The following SPINK5 variants were observed in gnomAD, a reference collection of about 807,000 sequenced individuals.
SPINK5 encodes the protein serine protease inhibitor Kazal-type 5.
In SPINK5, 125 loss-of-function variants were observed where a neutral mutation model predicts 151.8. The ratio of observed to expected loss-of-function variants is 0.82; its 90% confidence interval spans 0.71 to 0.96. The LOEUF (loss-of-function observed/expected upper bound fraction) is 0.96, where lower values mean the gene tolerates loss of function less well. SPINK5 is among the 40% of genes least tolerant of loss of function. SPINK5 has a pLI of 0.00. For synonymous variants in SPINK5, 374 were observed against 395.3 expected (o/e 0.95, Z 0.64); for missense variants, 1,194 against 1,291.9 (o/e 0.92, Z 1.16).
chr5:148,112,800 C>T, intron 19 of SPINK5, 68 bp from the exon 20 acceptor site: 1 of 1,603,256 alleles, frequency 6.2e-7, no homozygotes, highest in South Asian at 1.1e-5. Flanking sequence ...TATGTAGAGA[C>T]ATTTCTCCTT....
chr5:148,105,865 T>G (rs1191942196), intron 16 of SPINK5, among the ~76,000 whole-genome samples: 1 of 150,976 alleles, frequency 6.6e-6, no homozygotes, highest in Non-Finnish European at 1.5e-5. Context: ...CTCAAGTGAT[T>G]CACTCACCTT....
At chr5:148,065,608 C>A (rs1752563425) in intron 2 of SPINK5, 3 of 501,798 alleles carry the variant, frequency 6.0e-6, no homozygotes, top group Non-Finnish European at 7.1e-6. Context: ...CTGCAAGAGG[C>A]AATTTATCAT....
chr5:148,087,426 G>T (rs1198735420), intron 5 of SPINK5, among the ~76,000 whole-genome samples: 1 of 151,758 alleles, frequency 6.6e-6, no homozygotes, highest in Non-Finnish European at 1.5e-5. Context: ...TTGAGATCCT[G>T]CAAGCTTTAG....
chr5:148,114,383 A>G lies in SPINK5; in HGVS notation c.1909A>G (p.Arg637Gly), dbSNP rs1754030194. 1 of 1,612,726 alleles carries G rather than the reference A, an allele frequency of 6.2e-7. No individual in the cohort carries two copies. Among genetic ancestry groups the G allele is most frequent in the Non-Finnish European group, 8.5e-7 (1 of 1,179,372 alleles). Residue 637 changes from arginine (R) to glycine (G), a missense_variant, in exon 21 of 33, where the codon AGA becomes GGA. Transcript: ENST00000256084. ...TTAGGAGACATGCGATGAATTTCGGAGACTTTTGCAAAATGGAAAACTTTT... is the reference window on the plus strand; with the variant it reads ...TTAGGAGACATGCGATGAATTTCGGGGACTTTTGCAAAATGGAAAACTTTT... ...AEKETCDEFR[R>G]LLQNGKLFCT...
chr5:148,105,855 C>T (rs564203831), intron 16 of SPINK5, among the ~76,000 whole-genome samples: 1 of 150,478 alleles, frequency 6.6e-6, no homozygotes, highest in African/African-American at 2.5e-5. Flanking sequence ...AACTCCTGAC[C>T]TCAAGTGATT....
At chr5:148,075,496 A>G (rs1752854754) in intron 4 of SPINK5, among the ~76,000 whole-genome samples, 1 of 151,714 alleles carries the variant, frequency 6.6e-6, no homozygotes, top group Non-Finnish European at 1.5e-5. Context: ...TTCTTAAGTA[A>G]GGTGAATCTC....
intron 32 of SPINK5, among the ~76,000 whole-genome samples, chr5:148,136,377 T>C (rs1561711573): frequency 1.3e-5 from 2 of 152,026 alleles, no homozygotes; most frequent in Admixed American, 6.6e-5. Flanking sequence ...GAAGTGGAGA[T>C]TTGAGTTTGG....
At chr5:148,107,276 G>A in intron 17 of SPINK5, 112 bp downstream of exon 17, 3 of 1,472,966 alleles carry the variant, frequency 2.0e-6, no homozygotes, top group Non-Finnish European at 2.8e-6. Flanking sequence ...TATTAGAAAG[G>A]TTTACAAGCA....
chr5:148,078,042 T>G lies in SPINK5; in HGVS notation c.282+5822T>G, dbSNP rs184188242. 1.5e-3 allele frequency among the ~76,000 whole-genome samples: 231 copies of G among 151,262 alleles called. 1 individual carries two copies. Among genetic ancestry groups the G allele is most frequent in the Non-Finnish European group, 2.5e-3 (166 of 67,388 alleles). On this transcript the variant is annotated intron_variant, in intron 4 of 32. Transcript: ENST00000256084. ...TTGTCAAATGATAACAAAGGAACTA[T>G]AAGCTATCTCCAGTAGGTGCTCCTT...
At chr5:148,121,051 A>G (rs1163511250) in intron 26 of SPINK5, among the ~76,000 whole-genome samples, 1 of 135,252 alleles carries the variant, frequency 7.4e-6, no homozygotes, top group Non-Finnish European at 1.6e-5. Context: ...AGGCTGAGGC[A>G]GGAGAATGGC....
chr5:148,118,357 TACTC>T, intron 22 of SPINK5, 76 bp from the exon 23 acceptor site: 1 of 1,599,864 alleles, frequency 6.3e-7, no homozygotes. Context: ...GAACTTCTCT[TACTC>T]AGACTGTTAA....
At chr5:148,080,291 ATTG>A (rs1269060889) in intron 4 of SPINK5, among the ~76,000 whole-genome samples, 1 of 151,332 alleles carries the variant, frequency 6.6e-6, no homozygotes, top group Non-Finnish European at 1.5e-5. Flanking sequence ...AAAACTCAAT[ATTG>A]TTGAGATGGC....
chr5:148,076,954 C>T (rs1752897942), intron 4 of SPINK5, among the ~76,000 whole-genome samples: 1 of 151,082 alleles, frequency 6.6e-6, no homozygotes, highest in Admixed American at 6.6e-5. Context: ...GAAAAATGAA[C>T]AAAATTATAC....
intron 4 of SPINK5, among the ~76,000 whole-genome samples, chr5:148,080,887 C>T (rs1427435284): frequency 1.3e-5 from 2 of 151,442 alleles, no homozygotes; most frequent in African/African-American, 2.4e-5. Flanking sequence ...ATAGTCACAA[C>T]CTATATAGCA....
intron 19 of SPINK5, among the ~76,000 whole-genome samples, chr5:148,112,603 AAGG>A (rs1175915624): frequency 2.0e-5 from 3 of 151,960 alleles, no homozygotes; most frequent in Non-Finnish European, 4.4e-5. Flanking sequence ...AACCCAGGAG[AAGG>A]AGGTTTCAGT....
chr5:148,124,750 T>TA lies in SPINK5; in HGVS notation c.2667-15_2667-14insA, dbSNP rs755517922. On this transcript the variant is annotated splice_polypyrimidine_tract_variant and intron_variant, in intron 27 of 32. Coordinates refer to ENST00000256084, the MANE Select transcript of SPINK5 (RefSeq NM_006846.4). The stretch of plus-strand genomic sequence containing the variant: ...TTGAAAAATTACCCTATCTTTTTTT[T>TA]TAATTATTCTGCAGTGATCGAGAAG... 35 of 1,551,780 alleles carry TA rather than the reference T, an allele frequency of 2.3e-5. No homozygotes were observed. The highest frequency in any genetic ancestry group is 2.5e-5 in the South Asian group (2 of 78,706).
chr5:148,091,070 C>T lies in SPINK5; in HGVS notation c.603-95C>T, dbSNP rs1753295165. On this transcript the variant is annotated intron_variant, in intron 7 of 32. Coordinates refer to ENST00000256084, the MANE Select transcript of SPINK5 (RefSeq NM_006846.4). ...TGTAAGAGGATCATTTTCAGCAATT[C>T]GTAGCAGAGGATATGAAAGTGTTTA... 9 of 1,029,160 alleles carry T rather than the reference C, an allele frequency of 8.7e-6. 1 individual carries two copies. The highest frequency in any genetic ancestry group is 1.6e-5 in the African/African-American group (1 of 62,802). The allele number at this position is 1,029,160 out of a possible 1,614,324, so 63.8% of individuals were successfully genotyped here.
chr5:148,125,602 A>G, intron 28 of SPINK5, 121 bp from the exon 29 acceptor site: 1 of 1,614,220 alleles, frequency 6.2e-7, no homozygotes. Context: ...CTCTGTTGCC[A>G]GGATGAGTAC....
At chr5:148,083,757 A>G (rs1247748715) in intron 4 of SPINK5, among the ~76,000 whole-genome samples, 15 of 150,436 alleles carry the variant, frequency 1.0e-4, no homozygotes, top group Non-Finnish European at 8.9e-5. Flanking sequence ...CTTTCTTCAG[A>G]TATTTCTTTC....
Sources: allele counts gnomAD v4.1 joint callset (sites outside exome capture counted in the v4.1 genomes callset), GRCh38; gene constraint gnomAD v4.1.1; transcripts MANE v1.5; gene names NCBI Gene and HGNC (gene_info 2026-07-23, HGNC 2026-07-21).